The following PDZD2 variants were observed in gnomAD, a reference collection of about 807,000 sequenced individuals.
PDZD2 encodes PDZ domain-containing protein 2.
In PDZD2, 90 loss-of-function variants were observed where a neutral mutation model predicts 220.7. The ratio of observed to expected loss-of-function variants is 0.41; its 90% CI spans 0.34 to 0.49. PDZD2 has a LOEUF of 0.49. Among genes scored for constraint, PDZD2 ranks in the 20% least tolerant of loss-of-function variants. The pLI is 0.28. For synonymous variants in PDZD2, 1,375 were observed against 1,450.5 expected, an observed-to-expected ratio of 0.95 and a Z score of 1.18; for missense variants, 3,174 against 3,608.5, an observed-to-expected ratio of 0.88 and a Z score of 3.08.
At chr5:32,038,722 G>GC (rs1273405176) in intron 7 of PDZD2, among the ~76,000 whole-genome samples, 1 of 152,074 alleles carries the variant, frequency 6.6e-6, no homozygotes, top group Non-Finnish European at 1.5e-5. Flanking sequence ...GTCAGCCGTG[G>GC]CTCCCCCTAC....
At chr5:31,870,162 A>G (rs1580948440) in intron 2 of PDZD2, among the ~76,000 whole-genome samples, 1 of 152,126 alleles carries the variant, frequency 6.6e-6, no homozygotes, top group Admixed American at 6.6e-5. Flanking sequence ...AATTCTACTC[A>G]GGACTTAGTA....
intron 2 of PDZD2, among the ~76,000 whole-genome samples, chr5:31,951,254 A>G (rs1190736084): frequency 6.6e-6 from 1 of 152,064 alleles, no homozygotes; most frequent in Non-Finnish European, 1.5e-5. Context: ...TTTTTTAAGA[A>G]ACAGGGTCTC....
intron 3 of PDZD2, among the ~76,000 whole-genome samples, chr5:31,984,988 G>T (rs997134824): frequency 3.9e-5 from 6 of 152,000 alleles, no homozygotes; most frequent in Non-Finnish European, 8.8e-5. Context: ...GAGGAGCTGG[G>T]TGATCTTCAT....
At chr5:32,100,056 G>C (rs1211175062) in intron 23 of PDZD2, 1 of 152,340 alleles carries the variant, frequency 6.6e-6, no homozygotes, top group Non-Finnish European at 1.5e-5. Flanking sequence ...CCGCAGTGGG[G>C]GCCAGACACC....
At chr5:32,085,049 G>A (rs1267926088) in intron 19 of PDZD2, among the ~76,000 whole-genome samples, 4 of 146,752 alleles carry the variant, frequency 2.7e-5, no homozygotes, top group Non-Finnish European at 5.9e-5. Flanking sequence ...CTACCTCCTG[G>A]GTTCAAGCGA....
intron 1 of PDZD2, among the ~76,000 whole-genome samples, chr5:31,654,720 C>G (rs1745480052): frequency 6.6e-6 from 1 of 152,170 alleles, no homozygotes; most frequent in African/African-American, 2.4e-5. Context: ...CTACACTCAT[C>G]TCTCAATTGG....
chr5:32,074,724 G>T, intron 18 of PDZD2, 81 bp downstream of exon 18: 1 of 892,710 alleles, frequency 1.1e-6, no homozygotes. Flanking sequence ...GTAAAGCATG[G>T]GTAAGCTGCC....
chr5:32,036,316 T>C (rs1451598522), intron 6 of PDZD2, among the ~76,000 whole-genome samples: 1 of 152,194 alleles, frequency 6.6e-6, no homozygotes, highest in African/African-American at 2.4e-5. Context: ...TTAGTGAGAA[T>C]ATTACCTATT....
At chr5:31,679,264 G>A (rs1746562920) in intron 1 of PDZD2, among the ~76,000 whole-genome samples, 1 of 152,256 alleles carries the variant, frequency 6.6e-6, no homozygotes, top group Non-Finnish European at 1.5e-5. Flanking sequence ...CTTCCTTATG[G>A]AAAGCAAAAT....
At chr5:31,936,353 C>T (rs1024475615) in intron 2 of PDZD2, 30 of 986,700 alleles carry the variant, frequency 3.0e-5, no homozygotes, top group African/African-American at 1.6e-4. Context: ...GCAGGTAGGA[C>T]GGGAGACCTG....
intron 6 of PDZD2, among the ~76,000 whole-genome samples, chr5:32,035,957 G>GT (rs1471614613): frequency 6.6e-6 from 1 of 151,802 alleles, no homozygotes; most frequent in Non-Finnish European, 1.5e-5. Flanking sequence ...TTGTTTGTTT[G>GT]TTTTGAGACA....
chr5:31,780,678 A>G (rs1561454515), intron 1 of PDZD2, among the ~76,000 whole-genome samples: 1 of 152,150 alleles, frequency 6.6e-6, no homozygotes. Flanking sequence ...AAGCACACAT[A>G]TAACAGGATG....
At chr5:31,931,787 C>T (rs1266703873) in intron 2 of PDZD2, among the ~76,000 whole-genome samples, 2 of 151,986 alleles carry the variant, frequency 1.3e-5, no homozygotes, top group Admixed American at 6.5e-5. Flanking sequence ...GATCTGTATA[C>T]AATGAAGGCC....
Position 31,673,966 on chromosome 5 carries a change from G to A in PDZD2, c.-361+34529G>A, listed in dbSNP as rs73072135. 3.7e-4 allele frequency among the ~76,000 whole-genome samples: 56 copies of A among 152,108 alleles called. 1 individual carries two copies. The South Asian group carries it at 9.1e-3, about 25-fold the overall frequency. On this transcript the variant is annotated intron_variant, in intron 1 of 24. Coordinates refer to ENST00000438447, the MANE Select transcript of PDZD2 (RefSeq NM_178140.4). ...AGCCTGGGCAACAGAGCAAGACTCC[G>A]TATCAAAAAAAAGAGAAAAGAGTTA... is the stretch of plus-strand genomic sequence containing the variant.
chr5:32,075,896 A>G (rs76121928), intron 18 of PDZD2, among the ~76,000 whole-genome samples: 4,678 of 152,310 alleles, frequency 0.031, 272 homozygotes, highest in African/African-American at 0.11. Context: ...ATAGAAATGC[A>G]CATCTTTTTT....
At chr5:31,730,220 C>T (rs191932115) in intron 1 of PDZD2, among the ~76,000 whole-genome samples, 307 of 152,250 alleles carry the variant, frequency 2.0e-3, no homozygotes, top group Non-Finnish European at 3.9e-3. Context: ...AAAAACTCTT[C>T]GTGCTTCTTA....
rs776663614 is a variant in PDZD2 at position 32,088,193 on chromosome 5, C to T, written c.4745C>T (p.Ser1582Phe). 3.1e-6 allele frequency: 5 copies of T among 1,613,952 alleles called. No individual in the cohort carries two copies. In the African/African-American group the frequency reaches 4.0e-5, roughly 13 times the overall value. Residue 1582 changes from serine to phenylalanine, a missense_variant, in exon 20 of 25, where the codon TCC (serine) becomes TTC (phenylalanine). Around this residue, in one of 4 missense-constraint regions of PDZD2, gnomAD observed 1,861 missense variants for 2,001.0 expected, o/e 0.93. Coordinates refer to ENST00000438447, the MANE Select transcript of PDZD2 (RefSeq NM_178140.4). This position sits in a 1 kb window ranked among gnomAD's most constrained non-coding sequence, Gnocchi z 4.6. ...SARDGWSPPR[S>F]RVSLHKEDPS... The stretch of plus-strand genomic sequence containing the variant: ...AGGGACGGCTGGTCCCCTCCTCGTT[C>T]CCGTGTGTCTTTGCACAAGGAAGAT...
At chr5:31,662,783 C>G (rs994498579) in intron 1 of PDZD2, among the ~76,000 whole-genome samples, 1 of 152,212 alleles carries the variant, frequency 6.6e-6, no homozygotes, top group East Asian at 1.9e-4. Context: ...GCGCCCACCA[C>G]CACGCCCAGC....
At chr5:31,937,019 A>G (rs1321534471) in intron 2 of PDZD2, among the ~76,000 whole-genome samples, 1 of 152,220 alleles carries the variant, frequency 6.6e-6, no homozygotes, top group Non-Finnish European at 1.5e-5. Flanking sequence ...TCAGAAGTAG[A>G]AAATAAATGG....
Sources: gnomAD v4.1 joint callset for allele counts (sites outside exome capture counted in the v4.1 genomes callset) on GRCh38, gnomAD v4.1.1 for gene constraint, gnomAD v4.1.1 regional missense constraint, Gnocchi (gnomAD v3.1) non-coding constraint, MANE v1.5 for transcripts, NCBI Gene and HGNC (gene_info 2026-07-23, HGNC 2026-07-21) for gene names.